Variants in NOL3 observed in about 807,000 individuals in gnomAD.
NOL3 encodes nucleolar protein 3.
A neutral mutation model predicts 19.2 loss-of-function variants in NOL3; 18 were observed. That is an observed-to-expected ratio of 0.94 (90% CI 0.65 to 1.39). The LOEUF (loss-of-function observed/expected upper bound fraction) is 1.39, where lower values mean the gene tolerates loss of function less well. Ranked by LOEUF, NOL3 falls within the 40% of genes most tolerant of loss-of-function variation. The probability of loss-of-function intolerance (pLI) is 0.00; values close to 1 mark genes in which losing one functional copy is unlikely to be tolerated. For missense variants in NOL3, 290 were observed against 289.5 expected, an observed-to-expected ratio of 1.00 and a Z score of -0.01; for synonymous variants, 127 against 137.3, an observed-to-expected ratio of 0.93 and a Z score of 0.52.
intron 1 of NOL3, 104 bp from the exon 2 acceptor site, chr16:67,174,058 C>T (rs745837797): frequency 1.0e-5 from 16 of 1,569,532 alleles, no homozygotes; most frequent in South Asian, 2.3e-5. Flanking sequence ...TGAACTTAAA[C>T]CCCAGCCTGG....
exon 3 of NOL3, chr16:67,174,754 G>C (rs1442391791): frequency 5.0e-6 from 8 of 1,609,996 alleles, no homozygotes; most frequent in Middle Eastern, 3.4e-4. Context: ...AGGGCTCCGA[G>C]GCGGTGCAAT....
intron 1 of NOL3, among the ~76,000 whole-genome samples, chr16:67,172,341 G>T (rs1159054959): frequency 6.6e-6 from 1 of 152,126 alleles, no homozygotes; most frequent in Non-Finnish European, 1.5e-5. Flanking sequence ...AGCTGGGTGC[G>T]GTGGCTCATG....
intron 1 of NOL3, chr16:67,173,916 CG>C (rs1210940708): frequency 3.3e-6 from 5 of 1,535,962 alleles, no homozygotes; most frequent in Non-Finnish European, 4.4e-6. Flanking sequence ...CCACGGCTGA[CG>C]CTTGGGGACA....
exon 3 of NOL3, chr16:67,174,875 G>C (rs760238542): frequency 3.1e-6 from 5 of 1,612,346 alleles, no homozygotes; most frequent in Non-Finnish European, 4.2e-6. Context: ...AGCAGAACCA[G>C]AGCCGGAACT....
In NOL3 at chr16:67,174,451, G is replaced by A. The variant is rs1378741561; in HGVS notation, c.282G>A (p.Gln94=). 2.7e-6 allele frequency: 4 copies of A among 1,503,218 alleles called. No individual in the cohort carries two copies. In the South Asian group the frequency reaches 3.9e-5, roughly 15 times the overall value. The allele number at this position is 1,503,218 out of a possible 1,614,324, so 93.1% of individuals were successfully genotyped here. A position where few individuals can be genotyped will look rare whatever the true frequency, so the allele number is the denominator to read the frequency against. Residue 94 remains glutamine, a synonymous_variant, in exon 2 of 4, where the codon CAG becomes CAA. Transcript: ENST00000268605. ...CGCCGGACCCCGCTTGGGACTGGCA[G>A]CACGTGGGTCCGGGTGAGCGCGCGG...
At chr16:67,174,587 A>G in intron 2 of NOL3, 34 bp from the exon 3 acceptor site, 1 of 1,517,258 alleles carries the variant, frequency 6.6e-7, no homozygotes. Context: ...CACAGGGGTA[A>G]ATTGAGCCTC....
intron 1 of NOL3, chr16:67,171,186 T>C (rs1336947199): frequency 6.6e-6 from 1 of 152,336 alleles, no homozygotes. Flanking sequence ...TGCCCACCGA[T>C]TGGAGGGACA....
chr16:67,174,908 C>A (rs2032070549), exon 3 of NOL3: 1 of 1,613,302 alleles, frequency 6.2e-7, no homozygotes, highest in African/African-American at 1.3e-5. Flanking sequence ...GGACCCAGAG[C>A]CCGAGCCCGA....
intron 3 of NOL3, 24 bp downstream of exon 3, chr16:67,174,968 GC>G: frequency 6.2e-7 from 1 of 1,609,406 alleles, no homozygotes; most frequent in East Asian, 2.2e-5. Flanking sequence ...CAAACCCTGA[GC>G]CGGCTTGGCG....
exon 3 of NOL3, chr16:67,174,881 G>A: frequency 1.2e-6 from 2 of 1,613,052 alleles, no homozygotes; most frequent in Non-Finnish European, 1.7e-6. Context: ...ACCAGAGCCG[G>A]AACTGGAGCC....
At position 67,174,157 on chromosome 16, in the gene NOL3, T is replaced by TGG; in HGVS notation, c.-8-4_-8-3insGG. ...CCATTACTTCTCTCCCCTTTCCCCA[T>TGG]GCAGCCCCGACAATGGGCAACGCGC... On this transcript the variant is annotated splice_region_variant and splice_polypyrimidine_tract_variant and intron_variant, in intron 1 of 3. Transcript: ENST00000268605. The TGG allele has an allele frequency of 6.2e-7, 1 of 1,606,086 alleles. No individual in the cohort carries two copies. The highest frequency in any genetic ancestry group is 8.5e-7 in the Non-Finnish European group (1 of 1,175,496).
At chr16:67,174,096 G>A (rs1317759598) in intron 1 of NOL3, 66 bp from the exon 2 acceptor site, 3 of 1,597,668 alleles carry the variant, frequency 1.9e-6, no homozygotes, top group African/African-American at 2.7e-5. Flanking sequence ...TGAGGGAGTG[G>A]TCAGAGGCGG....
Position 67,170,786 on chromosome 16 carries a change from G to GAA in NOL3, c.-9+215_-9+216dup, listed in dbSNP as rs370535035. ...TGGAGGGAGGTAAGGGGCGGGGGGGGAAAATCCGTGCAGTCGCACATGCGC... is the reference window on the plus strand; with the variant it reads ...TGGAGGGAGGTAAGGGGCGGGGGGGGAAAAAATCCGTGCAGTCGCACATGCGC... On this transcript the variant is annotated intron_variant, in intron 1 of 3. Coordinates refer to ENST00000268605, the Ensembl canonical transcript of NOL3. The surrounding 1 kb of genome is among the most constrained non-coding windows in gnomAD (Gnocchi z 5.7). Among the ~76,000 whole-genome samples, 3 of 151,900 alleles carry GAA rather than the reference G, an allele frequency of 2.0e-5. No homozygotes were observed. The highest frequency in any genetic ancestry group is 6.5e-5 in the Admixed American group (1 of 15,280).
intron 1 of NOL3, 192 bp from the exon 2 acceptor site, chr16:67,173,970 A>G: frequency 1.3e-6 from 2 of 1,537,326 alleles, no homozygotes; most frequent in Non-Finnish European, 8.7e-7. Context: ...GCGTCTGGAG[A>G]GGCAGGAGGA....
chr16:67,173,766 G>T, intron 1 of NOL3: 1 of 1,085,958 alleles, frequency 9.2e-7, no homozygotes, highest in South Asian at 1.6e-5. Flanking sequence ...AAGCAGATTT[G>T]AGAGAAAGAC....
chr16:67,173,774 G>A, intron 1 of NOL3: 1 of 1,155,244 alleles, frequency 8.7e-7, no homozygotes, highest in Middle Eastern at 2.9e-4. Context: ...TTGAGAGAAA[G>A]ACCTTAGTTT....
At chr16:67,174,786 A>G in exon 3 of NOL3, 1 of 1,607,312 alleles carries the variant, frequency 6.2e-7, no homozygotes, top group Non-Finnish European at 8.5e-7. Flanking sequence ...GAGGAGCCAG[A>G]GCCAGAGCTG....
At chr16:67,174,001 C>A (rs994817195) in intron 1 of NOL3, 161 bp from the exon 2 acceptor site, 1 of 1,541,722 alleles carries the variant, frequency 6.5e-7, no homozygotes, top group African/African-American at 1.4e-5. Context: ...CCCGTGTTGG[C>A]CTCCAGGTCC....
At position 67,175,437 on chromosome 16, in the gene NOL3, T is replaced by C. The variant is rs905481269; in HGVS notation, c.*383T>C. On this transcript the variant is annotated 3_prime_UTR_variant, in exon 4 of 4. Coordinates refer to ENST00000268605, the Ensembl canonical transcript of NOL3. ...CCCTGGTGAGCCACTTGGCAGCATA[T>C]GTAGGTACCAGCTCAACCCCACGCA... The C allele has an allele frequency of 3.5e-6, 3 of 858,156 alleles. No homozygotes were observed. In the African/African-American group the frequency reaches 5.4e-5, roughly 15 times the overall value. 53.2% of individuals were successfully genotyped at this position (858,156 alleles called of 1,614,324 possible).
Sources: gnomAD v4.1 joint callset for allele counts (sites outside exome capture counted in the v4.1 genomes callset) on GRCh38, gnomAD v4.1.1 for gene constraint, Gnocchi (gnomAD v3.1) non-coding constraint, MANE v1.5 for transcripts, NCBI Gene and HGNC (gene_info 2026-07-23, HGNC 2026-07-21) for gene names.